LAPTM5: variants seen among roughly 807,000 people sequenced by gnomAD.
The protein encoded by LAPTM5 is lysosomal-associated transmembrane protein 5.
LAPTM5 carries 11 observed loss-of-function variants against 30.1 expected under a neutral mutation model. The ratio of observed to expected loss-of-function variants is 0.37; its 90% CI spans 0.23 to 0.60. LAPTM5 has a LOEUF of 0.60. Ranked by LOEUF, LAPTM5 falls within the 20% of genes least tolerant of loss-of-function variation. LAPTM5 has a pLI of 0.71. For synonymous variants in LAPTM5, 151 were observed against 137.9 expected, an observed-to-expected ratio of 1.10 and a Z score of -0.67; for missense variants, 324 against 332.5, an observed-to-expected ratio of 0.97 and a Z score of 0.20.
At chr1:30,735,066 C>T (rs1292338494) in intron 7 of LAPTM5, 107 bp downstream of exon 7, 7 of 764,614 alleles carry the variant, frequency 9.2e-6, no homozygotes, top group Admixed American at 1.9e-5. Context: ...TGTTCCAACC[C>T]TCATCTTACA....
In LAPTM5 at chr1:30,742,349, C is replaced by T. The variant is rs533108108; in HGVS notation, c.181+107G>A. Reference sequence around the variant, plus strand: ...AAGACACTTGCCAGAGGTCATCCATCGTCCATGGAGAGGTGGCAGTGCCTC... The same window carrying T: ...AAGACACTTGCCAGAGGTCATCCATTGTCCATGGAGAGGTGGCAGTGCCTC... On this transcript the variant is annotated intron_variant, in intron 2 of 7. Transcript: ENST00000294507. 1,094 of 731,532 alleles carry T rather than the reference C, an allele frequency of 1.5e-3. 4 individuals carry two copies. The highest frequency in any genetic ancestry group is 2.1e-3 in the Non-Finnish European group (920 of 428,456). The allele number at this position is 731,532 out of a possible 1,614,324, so 45.3% of individuals were successfully genotyped here.
At chr1:30,738,504 C>T (rs905357552) in intron 5 of LAPTM5, among the ~76,000 whole-genome samples, 2 of 152,186 alleles carry the variant, frequency 1.3e-5, no homozygotes, top group Non-Finnish European at 2.9e-5. Context: ...GCAGCCCCAC[C>T]AGAGTCCCTG....
Position 30,757,731 on chromosome 1 carries a change from C to A in LAPTM5, c.15G>T (p.Leu5Phe). Reference sequence around the variant, plus strand: ...AGCAGCAGGTCTGGCGGACAGTGGACAAGCGGGGGTCCATGGTGCTGCCGT... The same window carrying A: ...AGCAGCAGGTCTGGCGGACAGTGGAAAAGCGGGGGTCCATGGTGCTGCCGT... MDPR[L>F]STVRQTCCCF... Residue 5 changes from leucine to phenylalanine, a missense_variant, in exon 1 of 8, where the codon TTG becomes TTT. Physicochemically the swap from Leu to Phe is conservative, Grantham distance 22. Coordinates refer to ENST00000294507, the MANE Select transcript of LAPTM5 (RefSeq NM_006762.3). The A allele has an allele frequency of 6.2e-7, 1 of 1,613,734 alleles. No individual in the cohort carries two copies. Among genetic ancestry groups the A allele is most frequent in the Non-Finnish European group, 8.5e-7 (1 of 1,179,970 alleles).
In LAPTM5 at chr1:30,739,409, A is replaced by G. The variant is rs941451423; in HGVS notation, c.388-347T>C. 6.6e-6 allele frequency among the ~76,000 whole-genome samples: 1 copy of G among 152,212 alleles called. No individual in the cohort carries two copies. Among genetic ancestry groups the G allele is most frequent in the Admixed American group, 6.5e-5 (1 of 15,280 alleles). On this transcript the variant is annotated intron_variant, in intron 4 of 7. Coordinates refer to ENST00000294507, the MANE Select transcript of LAPTM5 (RefSeq NM_006762.3). This position sits in a 1 kb window ranked among gnomAD's most constrained non-coding sequence, Gnocchi z 4.2. ...TCAAGCCACCCCACAGTGGGCGCTCACTGGCATGAATCATCCTTCTCTTCC... is the reference window on the plus strand; with the variant it reads ...TCAAGCCACCCCACAGTGGGCGCTCGCTGGCATGAATCATCCTTCTCTTCC...
In LAPTM5 at chr1:30,739,790, G is replaced by A. The variant is rs1414635404; in HGVS notation, c.387+19C>T. The A allele has an allele frequency of 6.3e-7, 1 of 1,582,444 alleles. No individual in the cohort carries two copies. Among genetic ancestry groups the A allele is most frequent in the Admixed American group, 1.8e-5 (1 of 55,680 alleles). On this transcript the variant is annotated intron_variant, in intron 4 of 7. Coordinates refer to ENST00000294507, the MANE Select transcript of LAPTM5 (RefSeq NM_006762.3). This position sits in a 1 kb window ranked among gnomAD's most constrained non-coding sequence, Gnocchi z 4.2. ...CCTGGGCTCTGCTGTCCGGTGAGAG[G>A]TGGGGGCTGGGTACTCACAGCACGG...
At chr1:30,749,903 G>A (rs963321501) in intron 1 of LAPTM5, among the ~76,000 whole-genome samples, 5 of 152,154 alleles carry the variant, frequency 3.3e-5, no homozygotes, top group Admixed American at 6.5e-5. Flanking sequence ...GGGAACACAC[G>A]GATCCACCGG....
chr1:30,743,459 C>G (rs1350684744), intron 1 of LAPTM5, among the ~76,000 whole-genome samples: 1 of 152,154 alleles, frequency 6.6e-6, no homozygotes, highest in Non-Finnish European at 1.5e-5. Flanking sequence ...TTTAAAGAAC[C>G]TTGGAGGTCA....
chr1:30,741,863 T>C, intron 2 of LAPTM5, 147 bp from the exon 3 acceptor site: 3 of 552,708 alleles, frequency 5.4e-6, no homozygotes, highest in Non-Finnish European at 9.7e-6. Context: ...GTCCTGAGTC[T>C]GGAGTGAGTA....
At chr1:30,737,808 C>T in intron 5 of LAPTM5, 109 bp from the exon 6 acceptor site, 1 of 698,202 alleles carries the variant, frequency 1.4e-6, no homozygotes. Context: ...ACGAGCACAG[C>T]GTGGCACAGC....
At position 30,746,865 on chromosome 1, in the gene LAPTM5, C is replaced by T. The variant is rs76835809; in HGVS notation, c.88-4316G>A. On this transcript the variant is annotated intron_variant, in intron 1 of 7. Transcript: ENST00000294507. This position sits in a 1 kb window ranked among gnomAD's most constrained non-coding sequence, Gnocchi z 4.0. ...AATGGAATCGTGTGGTGCGCGGAGC[C>T]GGGCACACAGCAGGTGCACCATAAA... Among the ~76,000 whole-genome samples, 1,186 of 152,256 alleles carry T rather than the reference C, an allele frequency of 7.8e-3. 8 individuals carry two copies. The highest frequency in any genetic ancestry group is 0.031 in the Middle Eastern group (9 of 294).
chr1:30,756,368 G>C (rs916532841), intron 1 of LAPTM5, among the ~76,000 whole-genome samples: 2 of 152,190 alleles, frequency 1.3e-5, no homozygotes, highest in Non-Finnish European at 2.9e-5. Context: ...TGCCATGTCT[G>C]ATGCACAACG....
intron 1 of LAPTM5, among the ~76,000 whole-genome samples, chr1:30,743,619 C>T (rs186914523): frequency 5.9e-4 from 90 of 152,186 alleles, no homozygotes; most frequent in Non-Finnish European, 1.0e-3. Flanking sequence ...TCCAGGTAAC[C>T]TCTGCCCATA....
At position 30,733,732 on chromosome 1, in the gene LAPTM5, G is replaced by A. The variant is rs1369048264; in HGVS notation, c.*96C>T. 30 of 1,534,518 alleles carry A rather than the reference G, an allele frequency of 2.0e-5. No individual in the cohort carries two copies. The highest frequency in any genetic ancestry group is 2.2e-5 in the Non-Finnish European group (25 of 1,144,802). On this transcript the variant is annotated 3_prime_UTR_variant, in exon 8 of 8. Transcript: ENST00000294507. ...AGATTGTCCTGCCAGGGAGGGGCGG[G>A]AGGGCCCACCCAGGCCACAGGGGCC...
rs185507927 is a variant in LAPTM5 at position 30,732,640 on chromosome 1, C to T, written c.*1188G>A. On this transcript the variant is annotated 3_prime_UTR_variant, in exon 8 of 8. Transcript: ENST00000294507. ...TCTGGGTCAGCTCCCTGGAGGACCC[C>T]GACACACAGGGAAGCAGGCACAGGA... 1.1e-4 allele frequency: 16 copies of T among 152,116 alleles called. No homozygotes were observed. The highest frequency in any genetic ancestry group is 2.7e-4 in the African/African-American group (11 of 41,450). The allele number at this position is 152,116 out of a possible 1,614,324, so 9.4% of individuals were successfully genotyped here.
intron 2 of LAPTM5, 54 bp from the exon 3 acceptor site, chr1:30,741,770 C>A: frequency 1.5e-6 from 2 of 1,355,346 alleles, no homozygotes; most frequent in East Asian, 4.9e-5. Context: ...GGACCCCAGC[C>A]AGGCTCCCAG....
chr1:30,734,110 T>C (rs12404920), intron 7 of LAPTM5, among the ~76,000 whole-genome samples, 193 bp from the exon 8 acceptor site: 50,354 of 152,130 alleles, frequency 0.33, 8,734 homozygotes, highest in East Asian at 0.47. Flanking sequence ...AGTGGACATA[T>C]TTGCCTTTGC....
intron 1 of LAPTM5, among the ~76,000 whole-genome samples, chr1:30,750,543 C>G (rs1640120165): frequency 6.6e-6 from 1 of 152,128 alleles, no homozygotes; most frequent in Non-Finnish European, 1.5e-5. Context: ...TAACATGAGT[C>G]CCATATTTTT....
At chr1:30,752,491 CTG>C (rs1427108495) in intron 1 of LAPTM5, among the ~76,000 whole-genome samples, 1 of 152,164 alleles carries the variant, frequency 6.6e-6, no homozygotes, top group East Asian at 1.9e-4. Context: ...CCCTCCAAGC[CTG>C]TGTCATGCTA....
chr1:30,751,402 G>C (rs1458310954), intron 1 of LAPTM5, among the ~76,000 whole-genome samples: 1 of 152,214 alleles, frequency 6.6e-6, no homozygotes, highest in African/African-American at 2.4e-5. Flanking sequence ...TCCCCACCTG[G>C]CAGTTTGGAC....
Sources: gnomAD v4.1 joint callset for allele counts (sites outside exome capture counted in the v4.1 genomes callset) on GRCh38, gnomAD v4.1.1 for gene constraint, Gnocchi (gnomAD v3.1) non-coding constraint, MANE v1.5 for transcripts, NCBI Gene and HGNC (gene_info 2026-07-23, HGNC 2026-07-21) for gene names.